The following CTNND2 variants were observed in gnomAD, a reference collection of about 807,000 sequenced individuals.
CTNND2 encodes the protein catenin delta 2.
CTNND2 carries 22 observed loss-of-function variants against 144.4 expected under a neutral mutation model. The ratio of observed to expected loss-of-function variants is 0.15; its 90% CI spans 0.11 to 0.22. CTNND2 has a LOEUF of 0.22. Among genes scored for constraint, CTNND2 ranks in the 10% least tolerant of loss-of-function variants. The probability of loss-of-function intolerance (pLI) is 1.00; values close to 1 mark genes in which losing one functional copy is unlikely to be tolerated. For missense variants in CTNND2, 1,353 were observed against 1,618.8 expected (o/e 0.84, Z 2.82); for synonymous variants, 751 against 695.6 (o/e 1.08, Z -1.25).
At chr5:11,179,821 C>T (rs1027752996) in intron 11 of CTNND2, among the ~76,000 whole-genome samples, 6 of 152,096 alleles carry the variant, frequency 3.9e-5, no homozygotes, top group Non-Finnish European at 5.9e-5. Context: ...AATGATGCTG[C>T]GTAAACATGG....
intron 1 of CTNND2, among the ~76,000 whole-genome samples, chr5:11,826,054 A>G: frequency 6.6e-6 from 1 of 152,100 alleles, no homozygotes; most frequent in East Asian, 1.9e-4. Context: ...ACACAAAGAA[A>G]TGTAGACTAG....
intron 9 of CTNND2, among the ~76,000 whole-genome samples, chr5:11,307,806 G>A (rs1750409768): frequency 6.6e-6 from 1 of 152,176 alleles, no homozygotes. Flanking sequence ...ATTATTGATT[G>A]TTATGGGCTG....
At chr5:11,020,721 A>G (rs1049165151) in intron 17 of CTNND2, among the ~76,000 whole-genome samples, 1 of 152,056 alleles carries the variant, frequency 6.6e-6, no homozygotes, top group African/African-American at 2.4e-5. Context: ...TTGATCTCCA[A>G]ATTAGTCAGT....
At chr5:11,308,470 A>G (rs779359481) in intron 9 of CTNND2, among the ~76,000 whole-genome samples, 15 of 152,326 alleles carry the variant, frequency 9.8e-5, no homozygotes, top group South Asian at 2.1e-4. Context: ...ACAACAACCA[A>G]AAACACAGGT....
intron 3 of CTNND2, among the ~76,000 whole-genome samples, chr5:11,553,051 C>T (rs1430170465): frequency 1.3e-5 from 2 of 152,186 alleles, no homozygotes; most frequent in Non-Finnish European, 2.9e-5. Context: ...CAATCTCTTC[C>T]TCTCTTGCTG....
At chr5:11,361,441 C>T (rs1756443371) in intron 8 of CTNND2, among the ~76,000 whole-genome samples, 1 of 152,184 alleles carries the variant, frequency 6.6e-6, no homozygotes, top group South Asian at 2.1e-4. Context: ...TAGGTGTGAG[C>T]CACCATGGCC....
intron 14 of CTNND2, among the ~76,000 whole-genome samples, chr5:11,105,987 G>A (rs994027061): frequency 2.6e-5 from 4 of 152,122 alleles, no homozygotes; most frequent in Non-Finnish European, 5.9e-5. Context: ...ATGAGAAAAT[G>A]AAAACTGTCT....
intron 9 of CTNND2, among the ~76,000 whole-genome samples, chr5:11,263,613 C>T (rs557660641): frequency 2.8e-4 from 42 of 152,070 alleles, no homozygotes; most frequent in South Asian, 8.3e-4. Flanking sequence ...AGAGAATAAA[C>T]GTGAATAATG....
chr5:11,501,340 T>A (rs561081646), intron 3 of CTNND2, among the ~76,000 whole-genome samples: 6 of 152,292 alleles, frequency 3.9e-5, no homozygotes, highest in Non-Finnish European at 8.8e-5. Context: ...CCAGATATGA[T>A]CCCTACTCCT....
intron 2 of CTNND2, among the ~76,000 whole-genome samples, chr5:11,569,767 T>C (rs538803386): frequency 1.3e-5 from 2 of 152,294 alleles, no homozygotes; most frequent in South Asian, 4.1e-4. Context: ...TAAATGCCTG[T>C]GTCTCCATCC....
intron 3 of CTNND2, among the ~76,000 whole-genome samples, chr5:11,468,399 T>G (rs1766864611): frequency 6.6e-6 from 1 of 152,220 alleles, no homozygotes; most frequent in African/African-American, 2.4e-5. Flanking sequence ...GTTTTAAAAA[T>G]GTCAGCTATG....
chr5:11,433,996 T>C lies in CTNND2; in HGVS notation c.288-21927A>G, dbSNP rs80326839. Among the ~76,000 whole-genome samples, 998 of 152,276 alleles carry C rather than the reference T, an allele frequency of 6.6e-3. 8 individuals carry two copies. Among genetic ancestry groups the C allele is most frequent in the South Asian group, 0.048 (234 of 4,826 alleles). ...ATATTTCCCCAAGAAACAAAAAGCA[T>C]ATATTTACAAAAAGACTTGTAAAAG... On this transcript the variant is annotated intron_variant, in intron 3 of 21. Transcript: ENST00000304623.
chr5:11,106,494 G>A (rs141311174), intron 14 of CTNND2, among the ~76,000 whole-genome samples: 8 of 152,318 alleles, frequency 5.3e-5, no homozygotes, highest in African/African-American at 1.4e-4. Context: ...ACACCTTCCC[G>A]CCCATCAGTG....
chr5:11,688,940 T>C (rs1050911557), intron 2 of CTNND2, among the ~76,000 whole-genome samples: 5 of 152,146 alleles, frequency 3.3e-5, no homozygotes, highest in Non-Finnish European at 7.4e-5. Context: ...GCCCTTTTGA[T>C]GAATGACACA....
At chr5:11,698,975 T>C (rs924998218) in intron 2 of CTNND2, among the ~76,000 whole-genome samples, 2 of 150,428 alleles carry the variant, frequency 1.3e-5, no homozygotes, top group African/African-American at 2.4e-5. Context: ...TGTGCTATTA[T>C]TAAAACATTA....
At chr5:11,523,434 T>G (rs1772940023) in intron 3 of CTNND2, among the ~76,000 whole-genome samples, 1 of 152,176 alleles carries the variant, frequency 6.6e-6, no homozygotes, top group African/African-American at 2.4e-5. Flanking sequence ...CAATGAATGA[T>G]CCTAAATTCC....
At chr5:11,388,912 C>T (rs1759357584) in intron 6 of CTNND2, among the ~76,000 whole-genome samples, 1 of 152,320 alleles carries the variant, frequency 6.6e-6, no homozygotes, top group Middle Eastern at 3.4e-3. Context: ...AGTTAGAATT[C>T]AAGTAAAGTT....
At chr5:11,385,372 G>T (rs1477601960) in intron 6 of CTNND2, 143 bp from the exon 7 acceptor site, 2 of 415,030 alleles carry the variant, frequency 4.8e-6, no homozygotes, top group African/African-American at 2.2e-5. Flanking sequence ...TGCGCTCGGG[G>T]CAGTACGCGA....
chr5:11,291,983 C>T (rs1246824151), intron 9 of CTNND2, among the ~76,000 whole-genome samples: 1 of 151,998 alleles, frequency 6.6e-6, no homozygotes, highest in African/African-American at 2.4e-5. Context: ...ACCTATCCAC[C>T]CCATAGACCC....
Sources: allele counts gnomAD v4.1 joint callset (sites outside exome capture counted in the v4.1 genomes callset), GRCh38; gene constraint gnomAD v4.1.1; transcripts MANE v1.5; gene names NCBI Gene and HGNC (gene_info 2026-07-23, HGNC 2026-07-21).